The following KHDRBS2 variants were observed in gnomAD, a reference collection of about 807,000 sequenced individuals.
KHDRBS2 encodes KH RNA binding domain containing, signal transduction associated 2, also known as KH domain-containing, RNA-binding, signal transduction-associated protein 2.
KHDRBS2 carries 26 observed loss-of-function variants against 44.3 expected under a neutral mutation model. The ratio of observed to expected loss-of-function variants is 0.59; its 90% confidence interval spans 0.43 to 0.81. The LOEUF (loss-of-function observed/expected upper bound fraction) is 0.81, where lower values mean the gene tolerates loss of function less well. KHDRBS2 is among the 40% of genes least tolerant of loss of function. The pLI, the probability that KHDRBS2 is intolerant of heterozygous loss-of-function variation, is 0.00. For missense variants in KHDRBS2, 476 were observed against 433.1 expected (o/e 1.10, Z -0.88); for synonymous variants, 194 against 151.1 (o/e 1.28, Z -2.08).
chr6:61,761,564 C>G (rs1779276508), intron 6 of KHDRBS2, among the ~76,000 whole-genome samples: 1 of 151,956 alleles, frequency 6.6e-6, no homozygotes, highest in South Asian at 2.1e-4. Flanking sequence ...TTCTGAGGAC[C>G]AACACCATAA....
the KHDRBS2 span, among the ~76,000 whole-genome samples, chr6:61,545,859 C>A: frequency 6.6e-6 from 1 of 151,998 alleles, no homozygotes; most frequent in African/African-American, 2.4e-5. Flanking sequence ...AGTGCCTGCA[C>A]CAAGGAAAAG....
intron 4 of KHDRBS2, among the ~76,000 whole-genome samples, chr6:61,922,686 G>A (rs1207124282): frequency 6.6e-6 from 1 of 152,062 alleles, no homozygotes; most frequent in Non-Finnish European, 1.5e-5. Flanking sequence ...TTGCATCAGT[G>A]ATAGGGAATA....
chr6:61,834,945 T>A (rs979254392), intron 6 of KHDRBS2, among the ~76,000 whole-genome samples: 9 of 152,100 alleles, frequency 5.9e-5, no homozygotes, highest in African/African-American at 2.2e-4. Flanking sequence ...ACTTAATTCA[T>A]GTTTATCCTT....
chr6:61,766,403 C>T (rs1199631644), intron 6 of KHDRBS2, among the ~76,000 whole-genome samples: 1 of 151,692 alleles, frequency 6.6e-6, no homozygotes, highest in Non-Finnish European at 1.5e-5. Context: ...CCAATTTTAT[C>T]TTTTCCAAAA....
chr6:62,050,111 C>T (rs1014337764), intron 2 of KHDRBS2, among the ~76,000 whole-genome samples: 16 of 151,908 alleles, frequency 1.1e-4, no homozygotes, highest in African/African-American at 3.9e-4. Context: ...TGTTATGCAG[C>T]CATAAAAAAG....
intron 4 of KHDRBS2, among the ~76,000 whole-genome samples, chr6:61,945,781 T>A (rs1364218918): frequency 1.3e-5 from 2 of 151,482 alleles, no homozygotes; most frequent in Non-Finnish European, 2.9e-5. Flanking sequence ...AAAAAAAATA[T>A]GACAGGATTC....
chr6:62,006,350 A>G (rs1779224272), intron 3 of KHDRBS2, among the ~76,000 whole-genome samples: 1 of 152,104 alleles, frequency 6.6e-6, no homozygotes, highest in Non-Finnish European at 1.5e-5. Context: ...TAAGACAAAG[A>G]GCAAGACAAA....
At chr6:62,262,187 T>C (rs2150182367) in intron 1 of KHDRBS2, among the ~76,000 whole-genome samples, 1 of 151,810 alleles carries the variant, frequency 6.6e-6, no homozygotes, top group Non-Finnish European at 1.5e-5. Context: ...TGAACTTCTA[T>C]ATATTTACTT....
chr6:62,094,068 GATA>G (rs1252443110), intron 2 of KHDRBS2, among the ~76,000 whole-genome samples: 3 of 151,722 alleles, frequency 2.0e-5, no homozygotes, highest in Non-Finnish European at 4.4e-5. Flanking sequence ...TAGACCTTAT[GATA>G]ATACTATTTT....
intron 6 of KHDRBS2, among the ~76,000 whole-genome samples, chr6:61,760,637 G>C (rs1194977438): frequency 7.0e-6 from 1 of 143,138 alleles, no homozygotes; most frequent in African/African-American, 2.6e-5. Flanking sequence ...GTCTCAAGCA[G>C]AAAAAAGGAA....
intron 4 of KHDRBS2, among the ~76,000 whole-genome samples, chr6:61,943,051 GGAAA>G (rs1161282058): frequency 2.9e-5 from 4 of 137,262 alleles, no homozygotes; most frequent in African/African-American, 8.2e-5. Flanking sequence ...AGGAAGGGAG[GGAAA>G]GGAAGGAAGG....
At chr6:61,634,692 C>A in the KHDRBS2 span, among the ~76,000 whole-genome samples, 1 of 152,096 alleles carries the variant, frequency 6.6e-6, no homozygotes, top group East Asian at 1.9e-4. Flanking sequence ...TAAACGTAGG[C>A]ATAAAGGTCT....
chr6:61,697,344 G>A lies in KHDRBS2; in HGVS notation c.894-91C>T, dbSNP rs960199608. 7 of 796,354 alleles carry A rather than the reference G, an allele frequency of 8.8e-6. No individual in the cohort carries two copies. The African/African-American group carries it at 1.2e-4, about 14-fold the overall frequency. The allele number at this position is 796,354 out of a possible 1,614,324, so 49.3% of individuals were successfully genotyped here. On this transcript the variant is annotated intron_variant, in intron 7 of 8. Transcript: ENST00000281156. ...GGAATTTGAAGGCAAAATGTGTGCT[G>A]AGGTAATATTCCAGGAACTTCAAGG...
intron 4 of KHDRBS2, among the ~76,000 whole-genome samples, chr6:61,947,913 A>AAATAATAAT (rs56372678): frequency 0.014 from 1,995 of 143,194 alleles, 21 homozygotes; most frequent in South Asian, 0.021. Context: ...CACACACACA[A>AAATAATAAT]AATAATAATA....
intron 1 of KHDRBS2, among the ~76,000 whole-genome samples, chr6:62,204,158 A>C (rs1258261098): frequency 1.3e-5 from 2 of 152,210 alleles, no homozygotes; most frequent in African/African-American, 2.4e-5. Flanking sequence ...TCTTTTGTTT[A>C]CAAATATCAT....
chr6:62,130,444 T>C (rs1197913040), intron 2 of KHDRBS2, among the ~76,000 whole-genome samples: 1 of 152,190 alleles, frequency 6.6e-6, no homozygotes, highest in East Asian at 1.9e-4. Context: ...TCTTCATCTG[T>C]AAAAGGAGAA....
chr6:61,975,073 T>G (rs1186808281), intron 4 of KHDRBS2, among the ~76,000 whole-genome samples: 10 of 152,166 alleles, frequency 6.6e-5, no homozygotes, highest in Non-Finnish European at 1.5e-5. Flanking sequence ...CCACTTAAAA[T>G]GCTGAAAGTG....
At chr6:62,126,244 G>A (rs1808943798) in intron 2 of KHDRBS2, among the ~76,000 whole-genome samples, 1 of 152,150 alleles carries the variant, frequency 6.6e-6, no homozygotes, top group African/African-American at 2.4e-5. Context: ...TGGCCGTGGG[G>A]AGAGATTCCA....
intron 7 of KHDRBS2, among the ~76,000 whole-genome samples, chr6:61,726,462 AG>A (rs1773581148): frequency 6.6e-6 from 1 of 152,196 alleles, no homozygotes; most frequent in African/African-American, 2.4e-5. Flanking sequence ...ATATTCAAAT[AG>A]GGAGAGAAGA....
Sources: allele counts gnomAD v4.1 joint callset (sites outside exome capture counted in the v4.1 genomes callset), GRCh38; gene constraint gnomAD v4.1.1; transcripts MANE v1.5; gene names NCBI Gene and HGNC (gene_info 2026-07-23, HGNC 2026-07-21).